SHC3: variants seen among roughly 807,000 people sequenced by gnomAD.
SHC3 encodes the protein SHC adaptor protein 3.
Under a neutral mutation model 60.4 loss-of-function variants are expected in SHC3, and 15 were observed. The ratio of observed to expected loss-of-function variants is 0.25; its 90% CI spans 0.17 to 0.38. The LOEUF is 0.38. Ranked by LOEUF, SHC3 falls within the 10% of genes least tolerant of loss-of-function variation. SHC3 has a pLI of 1.00. For synonymous variants in SHC3, 294 were observed against 325.9 expected (o/e 0.90, Z 1.05); for missense variants, 677 against 786.1 (o/e 0.86, Z 1.66).
Position 89,178,311 on chromosome 9 carries a change from G to C in SHC3, c.150C>G (p.Gly50=), listed in dbSNP as rs1370965084. 6.3e-7 allele frequency: 1 copy of C among 1,588,084 alleles called. No homozygotes were observed. The highest frequency in any genetic ancestry group is 1.7e-5 in the Admixed American group (1 of 57,566). ...TPAAAPYLVS[G]EALRKAPDDG... ...CGTCGGGCGCCTTGCGCAGCGCCTC[G>C]CCGGACACCAAGTAGGGAGCCGCCG... The change falls in exon 1 of 12, where the codon GGC becomes GGG. Residue 50 remains glycine, a synonymous_variant. Transcript: ENST00000375835. The surrounding 1 kb of genome is among the most constrained non-coding windows in gnomAD (Gnocchi z 6.9).
intron 2 of SHC3, among the ~76,000 whole-genome samples, chr9:89,110,716 C>G (rs1488249821): frequency 6.6e-6 from 1 of 152,088 alleles, no homozygotes; most frequent in Non-Finnish European, 1.5e-5. Flanking sequence ...CTAATAAAAC[C>G]CAAGGCAATT....
intron 3 of SHC3, among the ~76,000 whole-genome samples, chr9:89,075,957 C>A (rs1825351546): frequency 6.6e-6 from 1 of 152,140 alleles, no homozygotes; most frequent in African/African-American, 2.4e-5. Flanking sequence ...ACCAACCCAT[C>A]CCTTCTTTTT....
intron 2 of SHC3, among the ~76,000 whole-genome samples, chr9:89,100,446 G>A (rs777047141): frequency 5.3e-5 from 8 of 151,966 alleles, no homozygotes; most frequent in Non-Finnish European, 8.8e-5. Context: ...ACTATGTTGC[G>A]CAGGTTGGTC....
chr9:89,029,753 A>T (rs1443260679), intron 11 of SHC3, among the ~76,000 whole-genome samples: 1 of 152,228 alleles, frequency 6.6e-6, no homozygotes, highest in Non-Finnish European at 1.5e-5. Flanking sequence ...AGGAAAACAT[A>T]GCTGTCTTCT....
chr9:89,166,299 A>G (rs1200702192), intron 1 of SHC3, among the ~76,000 whole-genome samples: 1 of 152,244 alleles, frequency 6.6e-6, no homozygotes, highest in Non-Finnish European at 1.5e-5. Context: ...AAGGAGCAGG[A>G]AGCAAAAAAT....
intron 2 of SHC3, chr9:89,109,234 AC>A: frequency 1.2e-6 from 1 of 846,698 alleles, no homozygotes; most frequent in Non-Finnish European, 1.4e-6. Flanking sequence ...GGTCCATGCA[AC>A]CCAGAAATGT....
chr9:89,057,179 C>T (rs1334118111), intron 6 of SHC3, among the ~76,000 whole-genome samples: 1 of 152,224 alleles, frequency 6.6e-6, no homozygotes, highest in East Asian at 1.9e-4. Flanking sequence ...ATAACCCACA[C>T]ACCTTAAAAG....
At chr9:89,019,185 G>A (rs532200315) in intron 11 of SHC3, among the ~76,000 whole-genome samples, 6 of 151,984 alleles carry the variant, frequency 3.9e-5, no homozygotes, top group South Asian at 2.1e-4. Context: ...TTTCAATATC[G>A]TACTGGAAGT....
At chr9:89,033,717 C>A (rs74784412) in intron 11 of SHC3, among the ~76,000 whole-genome samples, 1,739 of 152,208 alleles carry the variant, frequency 0.011, 36 homozygotes, top group African/African-American at 0.038. Context: ...AAACTAGCCA[C>A]ATAATGAAGA....
At chr9:89,046,798 G>C (rs577404382) in intron 8 of SHC3, 46 bp downstream of exon 8, 6 of 1,430,880 alleles carry the variant, frequency 4.2e-6, no homozygotes, top group Non-Finnish European at 5.5e-6. Flanking sequence ...AAATAAAGTA[G>C]AGTTAGCCTC....
intron 2 of SHC3, among the ~76,000 whole-genome samples, chr9:89,078,183 T>G (rs1431840679): frequency 6.6e-6 from 1 of 152,130 alleles, no homozygotes; most frequent in Non-Finnish European, 1.5e-5. Flanking sequence ...CACTTTTTTT[T>G]TTTTTTACAT....
chr9:89,015,739 A>C (rs1587674158), intron 11 of SHC3, among the ~76,000 whole-genome samples: 1 of 152,144 alleles, frequency 6.6e-6, no homozygotes, highest in African/African-American at 2.4e-5. Flanking sequence ...ACAAACTTAG[A>C]CTCCAGACAC....
chr9:89,169,347 G>A (rs1291810087), intron 1 of SHC3, among the ~76,000 whole-genome samples: 2 of 152,002 alleles, frequency 1.3e-5, no homozygotes, highest in African/African-American at 4.8e-5. Context: ...AGCACATAAC[G>A]GGACCCTGAA....
intron 11 of SHC3, among the ~76,000 whole-genome samples, chr9:89,020,905 G>A (rs113122787): frequency 6.6e-6 from 1 of 152,284 alleles, no homozygotes; most frequent in East Asian, 1.9e-4. Context: ...GCCCAGTGGT[G>A]GAAGGATGCA....
chr9:89,034,004 T>C (rs1001229969), intron 11 of SHC3, among the ~76,000 whole-genome samples: 6 of 152,104 alleles, frequency 3.9e-5, no homozygotes, highest in African/African-American at 1.4e-4. Context: ...AACAAAATCC[T>C]AAATAAAACA....
chr9:89,019,233 T>G (rs1587676345), intron 11 of SHC3, among the ~76,000 whole-genome samples: 1 of 152,254 alleles, frequency 6.6e-6, no homozygotes, highest in African/African-American at 2.4e-5. Context: ...ATTTCTTTTT[T>G]GATTTCATTT....
At chr9:89,159,086 C>A (rs888400847) in intron 1 of SHC3, among the ~76,000 whole-genome samples, 2 of 152,098 alleles carry the variant, frequency 1.3e-5, no homozygotes. Context: ...ACTTTGAAAA[C>A]CATCAATAAT....
chr9:89,160,630 T>C (rs1159348564), intron 1 of SHC3, among the ~76,000 whole-genome samples: 1 of 152,194 alleles, frequency 6.6e-6, no homozygotes, highest in East Asian at 1.9e-4. Context: ...AAGGAGTTTA[T>C]TTAGCTTTCT....
Position 89,009,538 on chromosome 9 carries a change from T to C in SHC3, c.*3909A>G, listed in dbSNP as rs1564069658. ...AATCATTGCGCTTATATGTTTCATA[T>C]ATTTGTCAATCCCCAGCACGCCCTC... On this transcript the variant is annotated 3_prime_UTR_variant, in exon 12 of 12. Transcript: ENST00000375835. 6.6e-6 allele frequency: 1 copy of C among 152,208 alleles called. No individual in the cohort carries two copies. Among genetic ancestry groups the C allele is most frequent in the Non-Finnish European group, 1.5e-5 (1 of 68,034 alleles). 9.4% of individuals were successfully genotyped at this position (152,208 alleles called of 1,614,324 possible). A position where few individuals can be genotyped will look rare whatever the true frequency, so the allele number is the denominator to read the frequency against.
Sources: allele counts gnomAD v4.1 joint callset (sites outside exome capture counted in the v4.1 genomes callset), GRCh38; gene constraint gnomAD v4.1.1; non-coding constraint Gnocchi (gnomAD v3.1); transcripts MANE v1.5; gene names NCBI Gene and HGNC (gene_info 2026-07-23, HGNC 2026-07-21).